STXBP5L: variants seen among roughly 807,000 people sequenced by gnomAD.
STXBP5L encodes syntaxin binding protein 5L, also known as syntaxin-binding protein 5-like.
STXBP5L carries 65 observed loss-of-function variants against 144.5 expected under a neutral mutation model. That is an observed-to-expected ratio of 0.45 (90% confidence interval 0.37 to 0.55). The LOEUF (loss-of-function observed/expected upper bound fraction) is 0.55. Ranked by LOEUF, STXBP5L falls within the 20% of genes least tolerant of loss-of-function variation. The pLI is 0.00. For missense variants in STXBP5L, 1,298 were observed against 1,405.5 expected (o/e 0.92, Z 1.22); for synonymous variants, 505 against 469.6 (o/e 1.08, Z -0.97).
intron 5 of STXBP5L, among the ~76,000 whole-genome samples, chr3:121,061,644 G>A (rs1376894549): frequency 2.0e-5 from 3 of 152,260 alleles, no homozygotes; most frequent in East Asian, 1.9e-4. Context: ...TAGTGAATCC[G>A]GGTGCTCCTG....
intron 20 of STXBP5L, among the ~76,000 whole-genome samples, chr3:121,359,881 A>G (rs560594434): frequency 6.8e-6 from 1 of 147,212 alleles, no homozygotes; most frequent in South Asian, 2.2e-4. Context: ...TCTGTAGTAT[A>G]ATTTGAAGTC....
chr3:120,976,587 CT>C (rs1245788126), intron 3 of STXBP5L, among the ~76,000 whole-genome samples: 2 of 152,044 alleles, frequency 1.3e-5, no homozygotes, highest in African/African-American at 2.4e-5. Context: ...CTTCTGCTAG[CT>C]TTTGAATGTG....
intron 18 of STXBP5L, among the ~76,000 whole-genome samples, chr3:121,274,019 G>T (rs1399094504): frequency 6.6e-6 from 1 of 152,002 alleles, no homozygotes; most frequent in African/African-American, 2.4e-5. Flanking sequence ...TAATTATTTT[G>T]AATTTGAAAA....
rs1336947240 is a variant in STXBP5L at position 121,400,968 on chromosome 3, GAAGA to G, written c.2588-6268_2588-6265del. 2.6e-5 allele frequency among the ~76,000 whole-genome samples: 4 copies of G among 151,818 alleles called. No homozygotes were observed. The East Asian group carries it at 7.7e-4, about 29-fold the overall frequency. ...AAAAACACTAAAGAGATAGACCACA[GAAGA>G]AAGAAAAAAGCTTTATAATTTGCAA... On this transcript the variant is annotated intron_variant, in intron 22 of 26. Coordinates refer to ENST00000471454, the MANE Select transcript of STXBP5L (RefSeq NM_001308330.2).
At chr3:121,021,570 C>A (rs533010320) in intron 3 of STXBP5L, among the ~76,000 whole-genome samples, 15 of 152,220 alleles carry the variant, frequency 9.9e-5, no homozygotes, top group African/African-American at 2.9e-4. Context: ...CAAGTGCTCT[C>A]TCTATTATAG....
intron 4 of STXBP5L, among the ~76,000 whole-genome samples, chr3:121,045,225 C>G (rs1947431791): frequency 6.6e-6 from 1 of 152,100 alleles, no homozygotes. Context: ...GTCTCCCTGA[C>G]CGTTGAAATG....
At position 121,378,723 on chromosome 3, in the gene STXBP5L, A is replaced by G. The variant is rs1334466795; in HGVS notation, c.2184A>G (p.Val728=). 1 of 1,613,404 alleles carries G rather than the reference A, an allele frequency of 6.2e-7. No homozygotes were observed. The highest frequency in any genetic ancestry group is 2.2e-5 in the East Asian group (1 of 44,834). Residue 728 remains valine, a synonymous_variant, in exon 21 of 27, where the codon GTA becomes GTG. Coordinates refer to ENST00000471454, the MANE Select transcript of STXBP5L (RefSeq NM_001308330.2). ...TTCCTCCTCTTGGCACAGACCATGT[A>G]AATGGACACTGCACAAGTCCAACTT... ...ERCKSPTSDH[V]NGHCTSPTSQ... is the part of the protein sequence containing the mutation.
chr3:121,076,593 G>C (rs994417634), intron 5 of STXBP5L, among the ~76,000 whole-genome samples: 1 of 152,000 alleles, frequency 6.6e-6, no homozygotes, highest in African/African-American at 2.4e-5. Flanking sequence ...AGGTGCCCAG[G>C]CTGTTCTCCA....
intron 22 of STXBP5L, among the ~76,000 whole-genome samples, chr3:121,403,782 G>A (rs761570921): frequency 1.3e-5 from 2 of 152,076 alleles, no homozygotes; most frequent in Admixed American, 1.3e-4. Context: ...TATCAGCAAC[G>A]TATTACACAG....
At chr3:120,979,744 G>T (rs1356347651) in intron 3 of STXBP5L, among the ~76,000 whole-genome samples, 1 of 152,126 alleles carries the variant, frequency 6.6e-6, no homozygotes, top group Non-Finnish European at 1.5e-5. Context: ...ATTTAGTTCT[G>T]CTCTGATCTT....
chr3:121,141,811 C>T (rs2045519254), intron 7 of STXBP5L, among the ~76,000 whole-genome samples: 1 of 151,830 alleles, frequency 6.6e-6, no homozygotes, highest in Non-Finnish European at 1.5e-5. Context: ...CAATAAAAAA[C>T]ATAAAGGAAG....
rs576340278 is a variant in STXBP5L, at chr3:121,041,757, A to G, written c.345A>G (p.Leu115=). The change falls in exon 4 of 27, where the codon CTA becomes CTG. Residue 115 remains leucine (L), a synonymous_variant. Coordinates refer to ENST00000471454, the MANE Select transcript of STXBP5L (RefSeq NM_001308330.2). ...AACATGAAAGTGGTGCAGCTGTCCT[A>G]CAGCTCCAATTTTTGATCAATGAGG... is the stretch of plus-strand genomic sequence containing the variant. ...YCQHESGAAV[L]QLQFLINEGA... is the part of the protein sequence containing the mutation. 1 of 1,612,688 alleles carries G rather than the reference A, an allele frequency of 6.2e-7. No homozygotes were observed. The highest frequency in any genetic ancestry group is 1.1e-5 in the South Asian group (1 of 91,040).
intron 20 of STXBP5L, among the ~76,000 whole-genome samples, chr3:121,322,578 C>A (rs2044009698): frequency 6.6e-6 from 1 of 151,174 alleles, no homozygotes; most frequent in Non-Finnish European, 1.5e-5. Flanking sequence ...TGTTGATGGG[C>A]ACCTGGTTAA....
intron 18 of STXBP5L, 86 bp from the exon 19 acceptor site, chr3:121,279,719 T>A: frequency 6.5e-7 from 1 of 1,529,522 alleles, no homozygotes; most frequent in African/African-American, 1.4e-5. Flanking sequence ...AAGACATTAC[T>A]TTTCAATAAT....
intron 11 of STXBP5L, among the ~76,000 whole-genome samples, chr3:121,224,428 A>C (rs1335515185): frequency 6.6e-6 from 1 of 152,184 alleles, no homozygotes; most frequent in African/African-American, 2.4e-5. Flanking sequence ...TAATTGTCAA[A>C]TAATTATTGA....
Position 121,290,951 on chromosome 3 carries a change from T to A in STXBP5L, c.2110+10995T>A, listed in dbSNP as rs139658954. Among the ~76,000 whole-genome samples, 4 of 152,124 alleles carry A rather than the reference T, an allele frequency of 2.6e-5. No individual in the cohort carries two copies. The East Asian group carries it at 7.7e-4, about 29-fold the overall frequency. On this transcript the variant is annotated intron_variant, in intron 19 of 26. Transcript: ENST00000471454. ...GATGTACAGACAACATTTTACGGAA[T>A]GGGGGAAAGCTGAAAACATTCCTTC... is the stretch of plus-strand genomic sequence containing the variant.
At chr3:121,079,176 A>G (rs965826098) in intron 5 of STXBP5L, among the ~76,000 whole-genome samples, 4 of 152,192 alleles carry the variant, frequency 2.6e-5, no homozygotes, top group African/African-American at 7.2e-5. Flanking sequence ...TCAGCCGGAC[A>G]TATGTCCAGA....
intron 3 of STXBP5L, among the ~76,000 whole-genome samples, chr3:120,978,698 G>A (rs552428353): frequency 6.6e-6 from 1 of 152,166 alleles, no homozygotes; most frequent in Non-Finnish European, 1.5e-5. Flanking sequence ...GGTCTTTGAT[G>A]ATGGTGATGT....
At chr3:121,027,649 T>C (rs771891723) in intron 3 of STXBP5L, among the ~76,000 whole-genome samples, 1 of 152,008 alleles carries the variant, frequency 6.6e-6, no homozygotes, top group Non-Finnish European at 1.5e-5. Context: ...TTTTTGTTTG[T>C]TTTTTTCACT....
Sources: gnomAD v4.1 joint callset for allele counts (sites outside exome capture counted in the v4.1 genomes callset) on GRCh38, gnomAD v4.1.1 for gene constraint, MANE v1.5 for transcripts, NCBI Gene and HGNC (gene_info 2026-07-23, HGNC 2026-07-21) for gene names.